CDK14: variants seen among roughly 807,000 people sequenced by gnomAD.
The protein encoded by CDK14 is cyclin dependent kinase 14.
A neutral mutation model predicts 60.7 loss-of-function variants in CDK14; 34 were observed. That is an observed-to-expected ratio of 0.56 (90% CI 0.43 to 0.75). The LOEUF is 0.75. Among genes scored for constraint, CDK14 ranks in the 30% least tolerant of loss-of-function variants. The pLI, the probability that CDK14 is intolerant of heterozygous loss-of-function variation, is 0.00. For synonymous variants in CDK14, 197 were observed against 203.7 expected, an observed-to-expected ratio of 0.97 and a Z score of 0.28; for missense variants, 482 against 564.1, an observed-to-expected ratio of 0.85 and a Z score of 1.47.
At chr7:90,827,027 A>G (rs1789749349) in intron 5 of CDK14, among the ~76,000 whole-genome samples, 1 of 152,088 alleles carries the variant, frequency 6.6e-6, no homozygotes, top group Non-Finnish European at 1.5e-5. Flanking sequence ...ATGATATTAC[A>G]GTATCATGCA....
intron 11 of CDK14, among the ~76,000 whole-genome samples, chr7:91,048,969 G>C (rs529895113): frequency 1.3e-5 from 2 of 152,090 alleles, no homozygotes; most frequent in Admixed American, 6.5e-5. Flanking sequence ...CGACCTTCCA[G>C]GTTCAAGTGA....
chr7:91,060,499 T>C (rs1355566730), intron 11 of CDK14, among the ~76,000 whole-genome samples: 5 of 152,216 alleles, frequency 3.3e-5, no homozygotes, highest in African/African-American at 9.6e-5. Flanking sequence ...CTAGCCTCGA[T>C]GGTCTTTACA....
At position 90,837,291 on chromosome 7, in the gene CDK14, C is replaced by CT. The variant is rs1211895994; in HGVS notation, c.545-25870dup. On this transcript the variant is annotated intron_variant, in intron 5 of 14. Coordinates refer to ENST00000380050, the MANE Select transcript of CDK14 (RefSeq NM_001287135.2). The stretch of plus-strand genomic sequence containing the variant: ...AATAATATTTCTTTCTTTCTTTTTT[C>CT]TTTTTTTTTTTTTTGAGATGGAGTC... 7.6e-3 allele frequency among the ~76,000 whole-genome samples: 1,074 copies of CT among 141,628 alleles called. 17 individuals are homozygous for CT. Among genetic ancestry groups the CT allele is most frequent in the African/African-American group, 0.022 (851 of 38,802 alleles). The allele number at this position is 141,628 out of a possible 152,430, so 92.9% of individuals were successfully genotyped here.
intron 12 of CDK14, among the ~76,000 whole-genome samples, chr7:91,097,229 A>G (rs1365539929): frequency 2.0e-5 from 3 of 151,964 alleles, no homozygotes; most frequent in African/African-American, 7.3e-5. Context: ...AAAAACACAA[A>G]AATTAGCTGG....
chr7:90,949,047 A>T (rs1482850142), intron 8 of CDK14, among the ~76,000 whole-genome samples: 1 of 152,214 alleles, frequency 6.6e-6, no homozygotes, highest in Non-Finnish European at 1.5e-5. Flanking sequence ...CAAAAAGAGA[A>T]AAAACAGAAA....
intron 8 of CDK14, among the ~76,000 whole-genome samples, chr7:90,936,381 A>T (rs941546517): frequency 2.0e-5 from 3 of 152,206 alleles, no homozygotes; most frequent in Non-Finnish European, 2.9e-5. Flanking sequence ...TTTATATCGA[A>T]ATCTAGTAAC....
intron 8 of CDK14, among the ~76,000 whole-genome samples, chr7:90,941,434 G>A (rs368808598): frequency 6.6e-5 from 10 of 152,194 alleles, no homozygotes; most frequent in South Asian, 6.2e-4. Flanking sequence ...CATGGGCCCT[G>A]GTTATTTGTT....
At chr7:90,628,630 A>G (rs1799926358) in intron 2 of CDK14, among the ~76,000 whole-genome samples, 1 of 152,090 alleles carries the variant, frequency 6.6e-6, no homozygotes, top group Non-Finnish European at 1.5e-5. Flanking sequence ...AGACCAGCCT[A>G]GGCAACATAG....
At chr7:90,642,878 A>C (rs1800371678) in intron 2 of CDK14, among the ~76,000 whole-genome samples, 1 of 152,184 alleles carries the variant, frequency 6.6e-6, no homozygotes, top group African/African-American at 2.4e-5. Flanking sequence ...TACTGCCTTG[A>C]GAGTGATGAA....
chr7:90,875,675 TCTC>T (rs759370872), intron 6 of CDK14, among the ~76,000 whole-genome samples: 13 of 152,092 alleles, frequency 8.5e-5, no homozygotes, highest in Non-Finnish European at 1.6e-4. Context: ...TCCTTTATTT[TCTC>T]CTTTCTCTAT....
At chr7:91,061,619 G>T (rs1797789602) in intron 11 of CDK14, among the ~76,000 whole-genome samples, 1 of 152,176 alleles carries the variant, frequency 6.6e-6, no homozygotes, top group Non-Finnish European at 1.5e-5. Context: ...CCTTCTAACA[G>T]TCAGGACCCT....
intron 14 of CDK14, among the ~76,000 whole-genome samples, chr7:91,119,200 G>A (rs1799708130): frequency 6.6e-6 from 1 of 152,148 alleles, no homozygotes; most frequent in Non-Finnish European, 1.5e-5. Context: ...AAGTGTTCAG[G>A]CCAGACATGG....
intron 10 of CDK14, among the ~76,000 whole-genome samples, chr7:90,998,843 C>A (rs1047477519): frequency 6.6e-6 from 1 of 152,050 alleles, no homozygotes; most frequent in Non-Finnish European, 1.5e-5. Flanking sequence ...GAGCGGAGAT[C>A]GCGCCACTGC....
chr7:90,648,579 C>T (rs923008493), intron 2 of CDK14, among the ~76,000 whole-genome samples: 1 of 152,040 alleles, frequency 6.6e-6, no homozygotes, highest in Non-Finnish European at 1.5e-5. Flanking sequence ...TCAGATCTCA[C>T]CCACCTGGGA....
intron 5 of CDK14, among the ~76,000 whole-genome samples, chr7:90,815,652 G>T (rs1329355222): frequency 6.6e-6 from 1 of 152,120 alleles, no homozygotes; most frequent in African/African-American, 2.4e-5. Flanking sequence ...CAATAGCAAA[G>T]ACTTGGAACC....
intron 2 of CDK14, among the ~76,000 whole-genome samples, chr7:90,722,180 C>T (rs1802482996): frequency 1.3e-5 from 2 of 151,718 alleles, no homozygotes; most frequent in Admixed American, 6.6e-5. Context: ...TCCCTTCCCC[C>T]ACCCTTTCCC....
intron 10 of CDK14, among the ~76,000 whole-genome samples, chr7:91,006,938 A>T (rs1795995196): frequency 6.6e-6 from 1 of 152,210 alleles, no homozygotes; most frequent in Non-Finnish European, 1.5e-5. Context: ...CTGAAAATTT[A>T]GGTCATGCCA....
chr7:91,198,800 AAACTGCTG>A (rs551520094), intron 14 of CDK14, among the ~76,000 whole-genome samples: 8 of 152,238 alleles, frequency 5.3e-5, no homozygotes, highest in Non-Finnish European at 7.3e-5. Flanking sequence ...TAAGCATGAA[AAACTGCTG>A]CAATACATTG....
At chr7:90,860,770 C>T (rs141434416) in intron 5 of CDK14, among the ~76,000 whole-genome samples, 288 of 152,090 alleles carry the variant, frequency 1.9e-3, no homozygotes, top group Middle Eastern at 6.8e-3. Flanking sequence ...TGATCCACCC[C>T]GCTCGGCCTC....
Sources: gnomAD v4.1 joint callset for allele counts (sites outside exome capture counted in the v4.1 genomes callset) on GRCh38, gnomAD v4.1.1 for gene constraint, MANE v1.5 for transcripts, NCBI Gene and HGNC (gene_info 2026-07-23, HGNC 2026-07-21) for gene names.